The following POLN variants were observed in gnomAD, a reference collection of about 807,000 sequenced individuals.
The protein encoded by POLN is DNA polymerase N.
POLN carries 108 observed loss-of-function variants against 113.5 expected under a neutral mutation model. The observed-to-expected ratio is 0.95, with a 90% CI of 0.81 to 1.12. POLN has a LOEUF of 1.12. POLN is among the 50% of genes most tolerant of loss of function. The pLI is 0.00. For synonymous variants in POLN, 386 were observed against 391.5 expected, an observed-to-expected ratio of 0.99 and a Z score of 0.17; for missense variants, 1,097 against 1,077.1, an observed-to-expected ratio of 1.02 and a Z score of -0.26.
intron 21 of POLN, among the ~76,000 whole-genome samples, chr4:2,083,799 A>C (rs1730486351): frequency 6.6e-6 from 1 of 152,272 alleles, no homozygotes; most frequent in Admixed American, 6.5e-5. Flanking sequence ...GGCCCCACTG[A>C]TGCCACCTGG....
intron 13 of POLN, among the ~76,000 whole-genome samples, chr4:2,168,271 G>A (rs1045794258): frequency 6.6e-6 from 1 of 152,208 alleles, no homozygotes; most frequent in Non-Finnish European, 1.5e-5. Context: ...GATTCATGGA[G>A]GAAAAGGGCA....
chr4:2,160,679 T>A (rs1357858116), intron 13 of POLN, among the ~76,000 whole-genome samples: 4 of 152,176 alleles, frequency 2.6e-5, no homozygotes, highest in African/African-American at 9.7e-5. Context: ...AAGGTGTTGG[T>A]ATTACAAGCA....
chr4:2,192,633 C>T (rs1042775020), intron 7 of POLN, among the ~76,000 whole-genome samples: 1 of 151,810 alleles, frequency 6.6e-6, no homozygotes, highest in African/African-American at 2.4e-5. Flanking sequence ...CCACTGTGCC[C>T]GGCCATGTCC....
At chr4:2,182,076 T>C (rs1487496285) in intron 7 of POLN, among the ~76,000 whole-genome samples, 1 of 151,290 alleles carries the variant, frequency 6.6e-6, no homozygotes, top group African/African-American at 2.4e-5. Flanking sequence ...CGACACAGAA[T>C]AGACCTACAG....
At chr4:2,087,085 G>A (rs916119855) in intron 20 of POLN, among the ~76,000 whole-genome samples, 1 of 152,188 alleles carries the variant, frequency 6.6e-6, no homozygotes, top group African/African-American at 2.4e-5. Context: ...TGCTTTGTCA[G>A]CAAGAGTGGG....
intron 25 of POLN, 102 bp downstream of exon 25, chr4:2,072,866 G>T: frequency 7.8e-7 from 1 of 1,281,386 alleles, no homozygotes. Flanking sequence ...GCCATCTCGG[G>T]GCTGGGGCTG....
chr4:2,115,472 T>C (rs79237714), intron 19 of POLN, among the ~76,000 whole-genome samples: 5,460 of 152,162 alleles, frequency 0.036, 357 homozygotes, highest in African/African-American at 0.13. Flanking sequence ...ATATCATCTA[T>C]TCATCTGAGA....
intron 13 of POLN, among the ~76,000 whole-genome samples, chr4:2,163,947 C>T (rs1268775980): frequency 5.9e-5 from 9 of 152,220 alleles, no homozygotes; most frequent in Admixed American, 5.2e-4. Flanking sequence ...GGACCTCCCC[C>T]TCCATAAACA....
In POLN at chr4:2,241,534, G is replaced by C; in HGVS notation, c.-27C>G. 1 of 985,872 alleles carries C rather than the reference G, an allele frequency of 1.0e-6. No homozygotes were observed. Among genetic ancestry groups the C allele is most frequent in the Non-Finnish European group, 1.2e-6 (1 of 830,266 alleles). The allele number at this position is 985,872 out of a possible 1,614,324, so 61.1% of individuals were successfully genotyped here. On this transcript the variant is annotated 5_prime_UTR_variant, in exon 2 of 26. Coordinates refer to ENST00000511885, the MANE Select transcript of POLN (RefSeq NM_181808.4). The stretch of plus-strand genomic sequence containing the variant: ...TAAATATTTACCTCAACGTCTCGCC[G>C]GGCAAGGCTCCACCTCCAGAGTCCA...
Position 2,126,076 on chromosome 4 carries a change from A to G in POLN, c.1982+2037T>C, listed in dbSNP as rs1731572131. Among the ~76,000 whole-genome samples the G allele has an allele frequency of 6.6e-6, 1 of 152,008 alleles. No homozygotes were observed. Among genetic ancestry groups the G allele is most frequent in the Non-Finnish European group, 1.5e-5 (1 of 67,994 alleles). Reference sequence around the variant, plus strand: ...CCCTGCATACTGGGTGGGAGGCAGGACTCCAGTGCCCAAAAGCTGGCCTTG... The same window carrying G: ...CCCTGCATACTGGGTGGGAGGCAGGGCTCCAGTGCCCAAAAGCTGGCCTTG... On this transcript the variant is annotated intron_variant, in intron 19 of 25. Transcript: ENST00000511885. The surrounding 1 kb of genome is among the most constrained non-coding windows in gnomAD (Gnocchi z 4.6).
At chr4:2,100,355 T>G (rs1730894377) in intron 19 of POLN, among the ~76,000 whole-genome samples, 1 of 152,046 alleles carries the variant, frequency 6.6e-6, no homozygotes, top group African/African-American at 2.4e-5. Context: ...CTACTAGTAA[T>G]AAACAGAAAC....
intron 19 of POLN, among the ~76,000 whole-genome samples, chr4:2,108,610 A>C (rs1731123757): frequency 6.6e-6 from 1 of 152,152 alleles, no homozygotes; most frequent in South Asian, 2.1e-4. Context: ...GCATTGCATC[A>C]CATGTATTGA....
intron 3 of POLN, among the ~76,000 whole-genome samples, chr4:2,217,428 C>T (rs1734139301): frequency 6.6e-6 from 1 of 152,142 alleles, no homozygotes; most frequent in Admixed American, 6.5e-5. Context: ...GGGTTCTGGG[C>T]CACATGAAAA....
chr4:2,120,053 C>T (rs557993281), intron 19 of POLN, among the ~76,000 whole-genome samples: 5 of 152,122 alleles, frequency 3.3e-5, no homozygotes, highest in Non-Finnish European at 5.9e-5. Flanking sequence ...TGTCAAAAAT[C>T]GGTTAAGCAT....
At chr4:2,084,633 G>C (rs1157015159) in intron 21 of POLN, among the ~76,000 whole-genome samples, 2 of 152,242 alleles carry the variant, frequency 1.3e-5, no homozygotes, top group African/African-American at 2.4e-5. Flanking sequence ...TCGGGGCTTG[G>C]GCATGGGCCC....
chr4:2,211,504 G>C (rs537383362), intron 4 of POLN, among the ~76,000 whole-genome samples: 1 of 151,990 alleles, frequency 6.6e-6, no homozygotes, highest in Non-Finnish European at 1.5e-5. Context: ...GTCCAGGTAT[G>C]GGGGCTCATA....
chr4:2,110,566 C>T (rs555558075), intron 19 of POLN, among the ~76,000 whole-genome samples: 6 of 152,118 alleles, frequency 3.9e-5, no homozygotes, highest in African/African-American at 7.2e-5. Context: ...ATATCACCAC[C>T]GATCCCACAG....
At chr4:2,143,924 C>T (rs1180337082) in intron 16 of POLN, among the ~76,000 whole-genome samples, 2 of 152,106 alleles carry the variant, frequency 1.3e-5, no homozygotes, top group African/African-American at 4.8e-5. Flanking sequence ...TAACCCAAAA[C>T]TGGAAACAAC....
chr4:2,210,635 A>T (rs1336757364), intron 4 of POLN, among the ~76,000 whole-genome samples: 1 of 143,736 alleles, frequency 7.0e-6, no homozygotes, highest in African/African-American at 2.6e-5. Context: ...AATAATAAAA[A>T]AAAGAGGCCG....
Sources: gnomAD v4.1 joint callset for allele counts (sites outside exome capture counted in the v4.1 genomes callset) on GRCh38, gnomAD v4.1.1 for gene constraint, Gnocchi (gnomAD v3.1) non-coding constraint, MANE v1.5 for transcripts, NCBI Gene and HGNC (gene_info 2026-07-23, HGNC 2026-07-21) for gene names.